The following TAFA1 variants were observed in gnomAD, a reference collection of about 807,000 sequenced individuals.
TAFA1 encodes TAFA chemokine like family member 1.
A neutral mutation model predicts 18.5 loss-of-function variants in TAFA1; 4 were observed. The ratio of observed to expected loss-of-function variants is 0.22; its 90% CI spans 0.11 to 0.49. The LOEUF is 0.49. Ranked by LOEUF, TAFA1 falls within the 20% of genes least tolerant of loss-of-function variation. TAFA1 has a pLI of 0.98. For missense variants in TAFA1, 147 were observed against 169.0 expected (o/e 0.87, Z 0.72); for synonymous variants, 56 against 55.2 (o/e 1.01, Z -0.06).
rs189011294 is a variant in TAFA1, at chr3:68,287,894, T to G, written c.119-129386T>G. ...ACTTCTCAGGTCTGGAGGATTTTGC[T>G]TTTTGTTTTTGTTGGGGGGTGGGGG... On this transcript the variant is annotated intron_variant, in intron 2 of 4. Transcript: ENST00000478136. Among the ~76,000 whole-genome samples, 90 of 126,888 alleles carry G rather than the reference T, an allele frequency of 7.1e-4. 2 individuals are homozygous for G. The highest frequency in any genetic ancestry group is 1.2e-3 in the Non-Finnish European group (71 of 60,810). The allele number at this position is 126,888 out of a possible 152,430, so 83.2% of individuals were successfully genotyped here. A position where few individuals can be genotyped will look rare whatever the true frequency, so the allele number is the denominator to read the frequency against.
intron 3 of TAFA1, among the ~76,000 whole-genome samples, chr3:68,473,164 A>C (rs1022415065): frequency 1.3e-5 from 2 of 152,178 alleles, no homozygotes; most frequent in Non-Finnish European, 2.9e-5. Flanking sequence ...TAGCTCAGGG[A>C]AACTGTTAAC....
At chr3:68,102,222 G>A (rs1051004823) in intron 2 of TAFA1, among the ~76,000 whole-genome samples, 3 of 152,046 alleles carry the variant, frequency 2.0e-5, no homozygotes, top group Admixed American at 6.6e-5. Flanking sequence ...AATATGTGAG[G>A]CCGATGGCAT....
At chr3:68,113,897 G>A (rs12488818) in intron 2 of TAFA1, among the ~76,000 whole-genome samples, 1 of 18,054 alleles carries the variant, frequency 5.5e-5, no homozygotes, top group African/African-American at 1.8e-4. Flanking sequence ...AGTTTTTTTT[G>A]TTTTTTTTTT....
intron 2 of TAFA1, among the ~76,000 whole-genome samples, chr3:68,022,120 G>T (rs966517619): frequency 6.6e-6 from 1 of 152,090 alleles, no homozygotes. Context: ...AAACAAACTA[G>T]ATTTAATTGT....
chr3:68,182,850 T>C (rs1421908043), intron 2 of TAFA1, among the ~76,000 whole-genome samples: 2 of 152,224 alleles, frequency 1.3e-5, no homozygotes, highest in African/African-American at 4.8e-5. Context: ...TTATGGATGC[T>C]GTTTATATTT....
intron 2 of TAFA1, among the ~76,000 whole-genome samples, chr3:68,129,075 G>C (rs2065507347): frequency 1.3e-5 from 2 of 152,190 alleles, no homozygotes; most frequent in African/African-American, 4.8e-5. Flanking sequence ...CTAAGTACTT[G>C]ACTGGTGTTG....
At chr3:68,421,102 A>G (rs1221363849) in intron 3 of TAFA1, among the ~76,000 whole-genome samples, 1 of 152,214 alleles carries the variant, frequency 6.6e-6, no homozygotes, top group Non-Finnish European at 1.5e-5. Context: ...ACAAAGTGCA[A>G]TGCATTGCTT....
chr3:68,378,647 G>A (rs552494117), intron 2 of TAFA1, among the ~76,000 whole-genome samples: 1 of 152,130 alleles, frequency 6.6e-6, no homozygotes, highest in African/African-American at 2.4e-5. Context: ...GAGGGTCTAA[G>A]AGCAGGATGG....
intron 2 of TAFA1, among the ~76,000 whole-genome samples, chr3:68,214,615 G>A (rs2066632853): frequency 6.6e-6 from 1 of 151,814 alleles, no homozygotes. Flanking sequence ...GTTTTTCTGG[G>A]CTTCTATTTC....
At chr3:68,426,814 CT>C (rs1177034717) in intron 3 of TAFA1, among the ~76,000 whole-genome samples, 1 of 151,798 alleles carries the variant, frequency 6.6e-6, no homozygotes, top group Non-Finnish European at 1.5e-5. Context: ...AGCAACATCT[CT>C]TGAATGTTTA....
At chr3:68,149,136 C>T (rs750344332) in intron 2 of TAFA1, among the ~76,000 whole-genome samples, 9 of 152,068 alleles carry the variant, frequency 5.9e-5, no homozygotes, top group Admixed American at 1.3e-4. Context: ...GTTTTTTACC[C>T]CCAACTTATG....
intron 2 of TAFA1, among the ~76,000 whole-genome samples, chr3:68,336,807 T>C (rs28606574): frequency 0.033 from 5,044 of 152,294 alleles, 300 homozygotes; most frequent in African/African-American, 0.11. Context: ...CAGTGCATCC[T>C]CTGTCTCCCA....
At chr3:68,460,254 G>T (rs1054930968) in intron 3 of TAFA1, among the ~76,000 whole-genome samples, 1 of 152,158 alleles carries the variant, frequency 6.6e-6, no homozygotes, top group African/African-American at 2.4e-5. Context: ...AGATTTGGAA[G>T]GAAACTTTAG....
At chr3:68,526,115 A>G (rs907679311) in intron 3 of TAFA1, among the ~76,000 whole-genome samples, 6 of 152,182 alleles carry the variant, frequency 3.9e-5, no homozygotes, top group African/African-American at 1.4e-4. Flanking sequence ...ATCAATTTGT[A>G]TAGATCTGAA....
intron 2 of TAFA1, among the ~76,000 whole-genome samples, chr3:68,221,587 C>G (rs1421843997): frequency 6.6e-6 from 1 of 152,086 alleles, no homozygotes; most frequent in Non-Finnish European, 1.5e-5. Context: ...CTCTTTCACC[C>G]TCAAACAGAT....
At chr3:68,161,608 A>G (rs2065925397) in intron 2 of TAFA1, among the ~76,000 whole-genome samples, 2 of 152,326 alleles carry the variant, frequency 1.3e-5, no homozygotes, top group South Asian at 4.1e-4. Flanking sequence ...AATAATCTTT[A>G]AGGTAGGCAG....
chr3:68,091,107 C>A (rs182329075), intron 2 of TAFA1, among the ~76,000 whole-genome samples: 1 of 152,292 alleles, frequency 6.6e-6, no homozygotes, highest in East Asian at 1.9e-4. Flanking sequence ...GCTGGACAAT[C>A]TTAGCTGAAA....
At chr3:68,439,508 G>A (rs747438499) in intron 3 of TAFA1, among the ~76,000 whole-genome samples, 3 of 146,914 alleles carry the variant, frequency 2.0e-5, no homozygotes, top group Non-Finnish European at 3.0e-5. Flanking sequence ...TCTGCAGGCC[G>A]AGGAGCTAGG....
chr3:68,492,283 T>C (rs943226258), intron 3 of TAFA1, among the ~76,000 whole-genome samples: 2 of 152,206 alleles, frequency 1.3e-5, no homozygotes, highest in African/African-American at 4.8e-5. Flanking sequence ...TGCCTTCTTA[T>C]GGACCCATTC....
Sources: gnomAD v4.1 joint callset for allele counts (sites outside exome capture counted in the v4.1 genomes callset) on GRCh38, gnomAD v4.1.1 for gene constraint, MANE v1.5 for transcripts, NCBI Gene and HGNC (gene_info 2026-07-23, HGNC 2026-07-21) for gene names.